Variants in PPM1H observed in about 807,000 individuals in gnomAD.
PPM1H encodes the protein protein phosphatase, Mg2+/Mn2+ dependent 1H, also known as protein phosphatase 1H.
PPM1H carries 27 observed loss-of-function variants against 54.9 expected under a neutral mutation model. The observed-to-expected ratio is 0.49, with a 90% CI of 0.36 to 0.68. The LOEUF is 0.68. Ranked by LOEUF, PPM1H falls within the 30% of genes least tolerant of loss-of-function variation. PPM1H has a pLI of 0.00. For synonymous variants in PPM1H, 305 were observed against 270.8 expected (o/e 1.13, Z -1.24); for missense variants, 596 against 667.8 (o/e 0.89, Z 1.19).
At chr12:62,752,573 CTG>C in intron 4 of PPM1H, among the ~76,000 whole-genome samples, 1 of 152,300 alleles carries the variant, frequency 6.6e-6, no homozygotes, top group Non-Finnish European at 1.5e-5. Flanking sequence ...AAACCTCACT[CTG>C]TTCATTAATA....
At chr12:62,783,995 G>T (rs78613237) in intron 4 of PPM1H, among the ~76,000 whole-genome samples, 2,141 of 152,272 alleles carry the variant, frequency 0.014, 22 homozygotes, top group Non-Finnish European at 0.02. Flanking sequence ...TTTGCATATT[G>T]CTTTGCATGA....
chr12:62,710,254 G>A (rs2076199649), intron 6 of PPM1H, among the ~76,000 whole-genome samples: 1 of 152,094 alleles, frequency 6.6e-6, no homozygotes, highest in Admixed American at 6.5e-5. Flanking sequence ...CATCAGCTGA[G>A]TGCAGTGTGG....
At chr12:62,933,436 C>CT (rs1872214698) in intron 1 of PPM1H, among the ~76,000 whole-genome samples, 1 of 152,094 alleles carries the variant, frequency 6.6e-6, no homozygotes, top group Non-Finnish European at 1.5e-5. Context: ...ACGAACCAAT[C>CT]AACCAGCGAG....
At chr12:62,822,369 C>T (rs2076909062) in intron 2 of PPM1H, among the ~76,000 whole-genome samples, 3 of 152,174 alleles carry the variant, frequency 2.0e-5, no homozygotes, top group Non-Finnish European at 4.4e-5. Context: ...CAACGATATC[C>T]AGGACTTGAA....
At position 62,764,820 on chromosome 12, in the gene PPM1H, C is replaced by T. The variant is rs147541536; in HGVS notation, c.869+23406G>A. Reference sequence around the variant, plus strand: ...GAGGCTGAGGCTGAAAGGACTGGCACGGGGGGCCATGGAGAAGGATGGAGG... The same window carrying T: ...GAGGCTGAGGCTGAAAGGACTGGCATGGGGGGCCATGGAGAAGGATGGAGG... On this transcript the variant is annotated intron_variant, in intron 4 of 9. Coordinates refer to ENST00000228705, the MANE Select transcript of PPM1H (RefSeq NM_020700.2). 6.0e-3 allele frequency among the ~76,000 whole-genome samples: 906 copies of T among 152,212 alleles called. 9 individuals carry two copies. The highest frequency in any genetic ancestry group is 0.019 in the African/African-American group (800 of 41,540).
intron 5 of PPM1H, among the ~76,000 whole-genome samples, chr12:62,728,698 C>T (rs1375217558): frequency 1.3e-5 from 2 of 152,110 alleles, no homozygotes; most frequent in Non-Finnish European, 2.9e-5. Flanking sequence ...GCTCCACCTT[C>T]CTGGGCTCAG....
At chr12:62,796,816 T>A (rs1381497886) in intron 3 of PPM1H, among the ~76,000 whole-genome samples, 1 of 152,200 alleles carries the variant, frequency 6.6e-6, no homozygotes, top group Non-Finnish European at 1.5e-5. Flanking sequence ...ATTAGGCTAT[T>A]CTTTCATTTT....
chr12:62,886,491 G>A (rs886188219), intron 1 of PPM1H, among the ~76,000 whole-genome samples: 2 of 152,104 alleles, frequency 1.3e-5, no homozygotes, highest in African/African-American at 4.8e-5. Context: ...CTGAACAGTA[G>A]CACTGAAAGC....
chr12:62,733,038 G>C (rs2076331425), intron 5 of PPM1H, among the ~76,000 whole-genome samples: 2 of 152,126 alleles, frequency 1.3e-5, no homozygotes. Flanking sequence ...ACAGTATACT[G>C]TATTTTATAT....
At chr12:62,756,138 G>A (rs2076472915) in intron 4 of PPM1H, 4 of 852,606 alleles carry the variant, frequency 4.7e-6, no homozygotes, top group Admixed American at 1.7e-5. Flanking sequence ...TGACCTCAAC[G>A]ACCACTTTGT....
chr12:62,688,808 C>A (rs2076068509), intron 8 of PPM1H, among the ~76,000 whole-genome samples: 1 of 152,046 alleles, frequency 6.6e-6, no homozygotes, highest in South Asian at 2.1e-4. Flanking sequence ...CCAGCCTAAC[C>A]AACATAGAGA....
At chr12:62,751,432 A>T (rs529947163) in intron 4 of PPM1H, among the ~76,000 whole-genome samples, 64 of 152,358 alleles carry the variant, frequency 4.2e-4, no homozygotes, top group Non-Finnish European at 8.4e-4. Flanking sequence ...GCTTTCACGC[A>T]TTTAAAATGG....
chr12:62,730,106 C>T (rs577096250), intron 5 of PPM1H, among the ~76,000 whole-genome samples: 2 of 152,208 alleles, frequency 1.3e-5, no homozygotes, highest in South Asian at 2.1e-4. Context: ...TGTAATTTTC[C>T]TTTACCTACC....
intron 8 of PPM1H, among the ~76,000 whole-genome samples, chr12:62,684,934 T>C (rs1449699908): frequency 3.3e-5 from 5 of 152,106 alleles, no homozygotes; most frequent in Admixed American, 6.5e-5. Flanking sequence ...AGGGGGTTCC[T>C]TGTACCTATT....
intron 6 of PPM1H, among the ~76,000 whole-genome samples, chr12:62,707,727 C>T (rs961264459): frequency 3.3e-5 from 5 of 152,094 alleles, no homozygotes; most frequent in Non-Finnish European, 7.4e-5. Flanking sequence ...CATATATGGC[C>T]CTGTCCTGAC....
At chr12:62,933,444 G>A (rs1592677350) in intron 1 of PPM1H, among the ~76,000 whole-genome samples, 1 of 152,092 alleles carries the variant, frequency 6.6e-6, no homozygotes. Flanking sequence ...ATCAACCAGC[G>A]AGGCCGTGCA....
intron 6 of PPM1H, among the ~76,000 whole-genome samples, chr12:62,694,712 A>G (rs1467356774): frequency 1.3e-5 from 2 of 152,238 alleles, no homozygotes; most frequent in Non-Finnish European, 2.9e-5. Context: ...AACAACTGTT[A>G]GCCCAGTTAC....
chr12:62,716,977 T>G (rs2076238089), intron 6 of PPM1H, among the ~76,000 whole-genome samples: 1 of 151,944 alleles, frequency 6.6e-6, no homozygotes, highest in African/African-American at 2.4e-5. Context: ...ATTTACTGAT[T>G]CATTTATTTA....
intron 8 of PPM1H, among the ~76,000 whole-genome samples, chr12:62,670,472 A>G: frequency 6.6e-6 from 1 of 152,164 alleles, no homozygotes; most frequent in South Asian, 2.1e-4. Context: ...GATAACATCC[A>G]TTTAATTTCA....
Sources: allele counts gnomAD v4.1 joint callset (sites outside exome capture counted in the v4.1 genomes callset), GRCh38; gene constraint gnomAD v4.1.1; transcripts MANE v1.5; gene names NCBI Gene and HGNC (gene_info 2026-07-23, HGNC 2026-07-21).